The following ARK2N variants were observed in gnomAD, a reference collection of about 807,000 sequenced individuals.
ARK2N encodes arkadia (RNF111) N-terminal like PKA signaling regulator 2N, also known as protein ARK2N.
the ARK2N span, among the ~76,000 whole-genome samples, chr18:46,224,701 A>T: frequency 6.6e-6 from 1 of 152,238 alleles, no homozygotes; most frequent in Non-Finnish European, 1.5e-5. Context: ...AACAGAATAC[A>T]TGCTGCTAGG....
chr18:46,201,840 T>C, the ARK2N span, among the ~76,000 whole-genome samples: 1 of 149,860 alleles, frequency 6.7e-6, no homozygotes, highest in African/African-American at 2.5e-5. Flanking sequence ...TGCAGTGGAG[T>C]GATCTCGGCT....
At chr18:46,215,887 A>C in the ARK2N span, 1 of 1,609,764 alleles carries the variant, frequency 6.2e-7, no homozygotes. Context: ...TGAAATGAAG[A>C]TGGAGGAGGC....
At chr18:46,256,754 T>G in the ARK2N span, among the ~76,000 whole-genome samples, 1 of 152,256 alleles carries the variant, frequency 6.6e-6, no homozygotes, top group African/African-American at 2.4e-5. Flanking sequence ...GGGGTATTTT[T>G]CACTGACTCC....
chr18:46,243,978 C>T, the ARK2N span, among the ~76,000 whole-genome samples: 1 of 152,204 alleles, frequency 6.6e-6, no homozygotes, highest in Non-Finnish European at 1.5e-5. Context: ...TACTCTCTTG[C>T]ACTGCAACGA....
the ARK2N span, among the ~76,000 whole-genome samples, chr18:46,191,573 C>A: frequency 6.6e-6 from 1 of 152,110 alleles, no homozygotes; most frequent in African/African-American, 2.4e-5. Flanking sequence ...AACCAAATAA[C>A]AGTTCTGTGG....
At chr18:46,225,082 C>T in the ARK2N span, among the ~76,000 whole-genome samples, 1 of 152,158 alleles carries the variant, frequency 6.6e-6, no homozygotes, top group African/African-American at 2.4e-5. Flanking sequence ...AGAGAAGTTC[C>T]ACGTGTGGAT....
the ARK2N span, among the ~76,000 whole-genome samples, chr18:46,219,503 C>T: frequency 2.0e-5 from 3 of 148,616 alleles, no homozygotes; most frequent in Non-Finnish European, 3.0e-5. Context: ...CCGAGTCTTG[C>T]TCTGTCACCA....
chr18:46,179,647 C>T, the ARK2N span, among the ~76,000 whole-genome samples: 4 of 143,494 alleles, frequency 2.8e-5, no homozygotes, highest in East Asian at 4.1e-4. Context: ...TTTTTTGAGA[C>T]GGAGTTTCGC....
At chr18:46,177,055 TG>T in the ARK2N span, among the ~76,000 whole-genome samples, 2 of 152,126 alleles carry the variant, frequency 1.3e-5, no homozygotes, top group African/African-American at 2.4e-5. Context: ...CCGGCCTAAA[TG>T]TTGGATTTTT....
the ARK2N span, among the ~76,000 whole-genome samples, chr18:46,189,207 T>A: frequency 1.1e-5 from 1 of 90,082 alleles, no homozygotes; most frequent in Non-Finnish European, 2.0e-5. Flanking sequence ...AGAGCGAGAC[T>A]GTCTCAAAAA....
At chr18:46,214,082 C>T in the ARK2N span, among the ~76,000 whole-genome samples, 2 of 152,144 alleles carry the variant, frequency 1.3e-5, no homozygotes, top group Non-Finnish European at 2.9e-5. Flanking sequence ...AATCAGAATG[C>T]CTGTTTTATC....
chr18:46,245,167 A>G, the ARK2N span, among the ~76,000 whole-genome samples: 1 of 152,002 alleles, frequency 6.6e-6, no homozygotes, highest in Admixed American at 6.6e-5. Context: ...CCTGATCTCA[A>G]GTAATCTGCC....
chr18:46,265,170 A>G, the ARK2N span: 2 of 152,722 alleles, frequency 1.3e-5, no homozygotes, highest in Non-Finnish European at 2.9e-5. Context: ...GCAGAAATGT[A>G]CAATTTCTGG....
the ARK2N span, among the ~76,000 whole-genome samples, chr18:46,203,621 A>T: frequency 6.6e-6 from 1 of 151,914 alleles, no homozygotes; most frequent in Non-Finnish European, 1.5e-5. Flanking sequence ...TTTTTTTGAG[A>T]CAAAGTCTCA....
chr18:46,216,506 G>A, the ARK2N span: 2 of 1,614,200 alleles, frequency 1.2e-6, no homozygotes, highest in Non-Finnish European at 1.7e-6. This position sits in a 1 kb window ranked among gnomAD's most constrained non-coding sequence, Gnocchi z 4.3. Context: ...ACCAGTGATA[G>A]TGACCTGACT....
the ARK2N span, among the ~76,000 whole-genome samples, chr18:46,214,022 T>G: frequency 6.6e-6 from 1 of 152,136 alleles, no homozygotes; most frequent in Non-Finnish European, 1.5e-5. Context: ...TTAACAGATG[T>G]TTCAGTGGCC....
the ARK2N span, among the ~76,000 whole-genome samples, chr18:46,245,599 A>G: frequency 6.6e-6 from 1 of 151,722 alleles, no homozygotes; most frequent in Non-Finnish European, 1.5e-5. Flanking sequence ...GAAAGAAAAA[A>G]AGAACTAAAA....
At chr18:46,255,445 C>CTTTTCTTTTTTTTTTTTT in the ARK2N span, among the ~76,000 whole-genome samples, 1 of 77,742 alleles carries the variant, frequency 1.3e-5, no homozygotes, top group African/African-American at 6.1e-5. Context: ...CTTTTCTTTT[C>CTTTTCTTTTTTTTTTTTT]TTTTTTTTTT....
the ARK2N span, among the ~76,000 whole-genome samples, chr18:46,213,948 C>T: frequency 6.6e-6 from 1 of 152,144 alleles, no homozygotes; most frequent in Non-Finnish European, 1.5e-5. Context: ...CCACTTGCCT[C>T]CACCTCCTAA....
Sources: allele counts gnomAD v4.1 joint callset (sites outside exome capture counted in the v4.1 genomes callset), GRCh38; gene constraint gnomAD v4.1.1; non-coding constraint Gnocchi (gnomAD v3.1); transcripts MANE v1.5; gene names NCBI Gene and HGNC (gene_info 2026-07-23, HGNC 2026-07-21).